The following BCAP29 variants were observed in gnomAD, a reference collection of about 807,000 sequenced individuals.
The protein encoded by BCAP29 is B-cell receptor-associated protein 29.
A neutral mutation model predicts 31.8 loss-of-function variants in BCAP29; 34 were observed. The observed-to-expected ratio is 1.07, with a 90% CI of 0.81 to 1.42. BCAP29 has a LOEUF of 1.42. BCAP29 is among the 40% of genes most tolerant of loss of function. The pLI is 0.00. For missense variants in BCAP29, 314 were observed against 269.2 expected, an observed-to-expected ratio of 1.17 and a Z score of -1.16; for synonymous variants, 104 against 91.3, an observed-to-expected ratio of 1.14 and a Z score of -0.79.
intron 3 of BCAP29, among the ~76,000 whole-genome samples, chr7:107,585,237 A>G (rs1190779623): frequency 6.6e-6 from 1 of 152,218 alleles, no homozygotes; most frequent in East Asian, 1.9e-4. Flanking sequence ...CTGTTTTGTG[A>G]GAAAATGTCT....
At chr7:107,588,594 A>C (rs1287731023) in intron 3 of BCAP29, among the ~76,000 whole-genome samples, 1 of 152,230 alleles carries the variant, frequency 6.6e-6, no homozygotes, top group Non-Finnish European at 1.5e-5. Flanking sequence ...GAGGGACGTC[A>C]ACCCTTAAAA....
intron 3 of BCAP29, among the ~76,000 whole-genome samples, chr7:107,593,455 C>G (rs993896426): frequency 2.0e-4 from 30 of 152,246 alleles, no homozygotes; most frequent in African/African-American, 7.0e-4. Context: ...AGATCAAATC[C>G]CATGTTAACA....
intron 3 of BCAP29, among the ~76,000 whole-genome samples, chr7:107,584,892 G>A (rs140378881): frequency 3.2e-4 from 49 of 152,216 alleles, no homozygotes; most frequent in African/African-American, 1.2e-3. Context: ...AAGTTTTATT[G>A]GGAAATGACC....
chr7:107,588,531 C>A (rs141715358), intron 3 of BCAP29, among the ~76,000 whole-genome samples: 3 of 152,052 alleles, frequency 2.0e-5, no homozygotes, highest in East Asian at 3.9e-4. Context: ...CGATAAAATA[C>A]GAAAAAAGGT....
intron 6 of BCAP29, 97 bp downstream of exon 6, chr7:107,600,602 GTTC>G: frequency 3.1e-6 from 2 of 637,312 alleles, no homozygotes; most frequent in East Asian, 5.4e-5. Flanking sequence ...ATGCCTAAAT[GTTC>G]TTCTAAGATA....
chr7:107,599,176 TTAA>T (rs1810491281), intron 5 of BCAP29, among the ~76,000 whole-genome samples: 2 of 51,592 alleles, frequency 3.9e-5, no homozygotes, highest in Non-Finnish European at 7.4e-5. Context: ...TATAAATATA[TTAA>T]AATTTATATG....
downstream of BCAP29, chr7:107,622,963 C>G (rs1438478111): frequency 1.3e-5 from 2 of 152,102 alleles, no homozygotes; most frequent in Non-Finnish European, 2.9e-5. Flanking sequence ...AAACAGCTGT[C>G]AAGCATAAAG....
rs937659690 is a variant in BCAP29 at position 107,613,399 on chromosome 7, T to C, written c.657T>C (p.Tyr219=). Residue 219 remains tyrosine (Y), a synonymous_variant, in exon 7 of 8, where the codon TAT becomes TAC. Transcript: ENST00000005259. ...AGTCAGAGAGACTTTCGAAAGAATA[T>C]GATCAACTCCTGAAAGAACACTCTG... The part of the protein sequence containing the change: ...KMQSERLSKE[Y]DQLLKEHSEL... 3.1e-6 allele frequency: 5 copies of C among 1,612,532 alleles called. No homozygotes were observed. The highest frequency in any genetic ancestry group is 3.4e-6 in the Non-Finnish European group (4 of 1,178,796).
At chr7:107,583,063 A>G (rs1806992518) in intron 2 of BCAP29, among the ~76,000 whole-genome samples, 2 of 152,090 alleles carry the variant, frequency 1.3e-5, no homozygotes, top group South Asian at 4.1e-4. Flanking sequence ...GCTTGAAGCT[A>G]TTTAAGTGCT....
At chr7:107,606,930 T>C (rs1812206282) in intron 6 of BCAP29, among the ~76,000 whole-genome samples, 1 of 152,216 alleles carries the variant, frequency 6.6e-6, no homozygotes, top group African/African-American at 2.4e-5. Flanking sequence ...TACATATTTT[T>C]AAAGCAAAAT....
At chr7:107,597,978 C>T (rs1246970019) in intron 5 of BCAP29, among the ~76,000 whole-genome samples, 2 of 152,128 alleles carry the variant, frequency 1.3e-5, no homozygotes, top group East Asian at 1.9e-4. Flanking sequence ...AGACAGTGAA[C>T]GCTTGCATTG....
downstream of BCAP29, chr7:107,622,324 A>G (rs1375983789): frequency 6.3e-6 from 1 of 159,866 alleles, no homozygotes. Flanking sequence ...ACTGCAGTTA[A>G]GATCAAACCA....
Position 107,596,540 on chromosome 7 carries a change from A to C in BCAP29, c.480+538A>C, listed in dbSNP as rs1243713810. The stretch of plus-strand genomic sequence containing the variant: ...CTCATTTCACAGTGGCAAAAATAAA[A>C]ACACAGTCATTAAAGCTTTGATTGA... On this transcript the variant is annotated intron_variant, in intron 5 of 7. Coordinates refer to ENST00000005259, the MANE Select transcript of BCAP29 (RefSeq NM_018844.4). 2.6e-5 allele frequency among the ~76,000 whole-genome samples: 4 copies of C among 152,192 alleles called. No individual in the cohort carries two copies. The East Asian group carries it at 7.7e-4, about 29-fold the overall frequency.
intron 3 of BCAP29, among the ~76,000 whole-genome samples, chr7:107,589,673 G>C (rs1164922553): frequency 6.6e-6 from 1 of 152,128 alleles, no homozygotes; most frequent in Non-Finnish European, 1.5e-5. Flanking sequence ...GGGGACCCCT[G>C]CTGTACATAA....
At chr7:107,588,047 T>G (rs1808032236) in intron 3 of BCAP29, 1 of 152,184 alleles carries the variant, frequency 6.6e-6, no homozygotes, top group South Asian at 2.1e-4. Flanking sequence ...TTGAACATAG[T>G]ACTCTTAACT....
chr7:107,586,861 G>A (rs1400185797), intron 3 of BCAP29, among the ~76,000 whole-genome samples: 1 of 151,336 alleles, frequency 6.6e-6, no homozygotes, highest in African/African-American at 2.4e-5. Flanking sequence ...CCAAGTAGCT[G>A]GGACTACAGG....
chr7:107,621,379 G>T, downstream of BCAP29: 1 of 170,290 alleles, frequency 5.9e-6, no homozygotes, highest in Non-Finnish European at 1.3e-5. Flanking sequence ...TACTTTCACG[G>T]TGTTTCTTTC....
At chr7:107,622,051 C>G, downstream of BCAP29, 1 of 435,848 alleles carries the variant, frequency 2.3e-6, no homozygotes, top group Non-Finnish European at 4.7e-6. Flanking sequence ...CATCTCCTAT[C>G]TTAGTTACTT....
intron 7 of BCAP29, among the ~76,000 whole-genome samples, chr7:107,614,058 C>G (rs1813698597): frequency 1.3e-5 from 2 of 152,324 alleles, no homozygotes; most frequent in Admixed American, 6.5e-5. Flanking sequence ...ATTGATTTCT[C>G]AGACACACTC....
Sources: allele counts gnomAD v4.1 joint callset (sites outside exome capture counted in the v4.1 genomes callset), GRCh38; gene constraint gnomAD v4.1.1; transcripts MANE v1.5; gene names NCBI Gene and HGNC (gene_info 2026-07-23, HGNC 2026-07-21).